Variants in ZNF622 observed in about 807,000 individuals in gnomAD.
The protein encoded by ZNF622 is zinc finger protein 622, also known as cytoplasmic 60S subunit biogenesis factor ZNF622.
Under a neutral mutation model 49.7 loss-of-function variants are expected in ZNF622, and 34 were observed. The ratio of observed to expected loss-of-function variants is 0.68; its 90% CI spans 0.52 to 0.91. ZNF622 has a LOEUF of 0.91. Among genes scored for constraint, ZNF622 ranks in the 40% least tolerant of loss-of-function variants. The pLI is 0.00. For synonymous variants in ZNF622, 209 were observed against 228.7 expected (o/e 0.91, Z 0.78); for missense variants, 569 against 616.4 (o/e 0.92, Z 0.81).
Position 16,465,032 on chromosome 5 carries a change from G to A in ZNF622, c.625+9C>T, listed in dbSNP as rs750734053. 1.2e-5 allele frequency: 19 copies of A among 1,566,768 alleles called. No individual in the cohort carries two copies. In the South Asian group the frequency reaches 2.2e-4, roughly 18 times the overall value. The stretch of plus-strand genomic sequence containing the variant: ...CTCTTTACCCTCCCCGCCCAGACAG[G>A]GCCATCACCGTCTCCATCCAGGTCC... On this transcript the variant is annotated intron_variant, in intron 1 of 5. Coordinates refer to ENST00000308683, the MANE Select transcript of ZNF622 (RefSeq NM_033414.3). This position sits in a 1 kb window ranked among gnomAD's most constrained non-coding sequence, Gnocchi z 6.2.
At position 16,463,767 on chromosome 5, in the gene ZNF622, A is replaced by G. The variant is rs1484336294; in HGVS notation, c.626-25T>C. ...TCTGCAAGCCAGAATTTTGAAATAT[A>G]AAGTTTAAGAAAAGTAGTAGCAAGC... On this transcript the variant is annotated intron_variant, in intron 1 of 5. Coordinates refer to ENST00000308683, the MANE Select transcript of ZNF622 (RefSeq NM_033414.3). The surrounding 1 kb of genome is among the most constrained non-coding windows in gnomAD (Gnocchi z 4.2). 1.2e-6 allele frequency: 2 copies of G among 1,605,300 alleles called. No homozygotes were observed. The highest frequency in any genetic ancestry group is 1.7e-6 in the Non-Finnish European group (2 of 1,174,730).
Position 16,464,993 on chromosome 5 carries a change from G to C in ZNF622, c.625+48C>G, listed in dbSNP as rs537126989. On this transcript the variant is annotated intron_variant, in intron 1 of 5. Transcript: ENST00000308683. ...TCGAGTATAAATCTGGAAACTTAAG[G>C]GTGGGCCAAGTTCCTCTTTACCCTC... 24 of 1,524,754 alleles carry C rather than the reference G, an allele frequency of 1.6e-5. No homozygotes were observed. In the East Asian group the frequency reaches 4.1e-4, roughly 26 times the overall value. 94.5% of individuals were successfully genotyped at this position (1,524,754 alleles called of 1,614,324 possible). A position where few individuals can be genotyped will look rare whatever the true frequency, so the allele number is the denominator to read the frequency against.
At chr5:16,461,912 G>A (rs1407410360) in intron 3 of ZNF622, among the ~76,000 whole-genome samples, 1 of 152,192 alleles carries the variant, frequency 6.6e-6, no homozygotes, top group Non-Finnish European at 1.5e-5. Context: ...ACTGAGTGCT[G>A]GGCATTCCAA....
chr5:16,454,690 C>T (rs936042082), intron 4 of ZNF622, among the ~76,000 whole-genome samples: 1 of 152,038 alleles, frequency 6.6e-6, no homozygotes, highest in African/African-American at 2.4e-5. Context: ...TCTGGCCAAC[C>T]GCCTGTTTTG....
chr5:16,457,373 C>T (rs1738043351), intron 4 of ZNF622, among the ~76,000 whole-genome samples: 1 of 152,152 alleles, frequency 6.6e-6, no homozygotes, highest in African/African-American at 2.4e-5. Context: ...AAACATATTT[C>T]TGATGTTCTA....
chr5:16,463,287 AG>A lies in ZNF622; in HGVS notation c.887-18del. 1.3e-6 allele frequency: 2 copies of A among 1,581,280 alleles called. No homozygotes were observed. The highest frequency in any genetic ancestry group is 8.5e-7 in the Non-Finnish European group (1 of 1,169,614). ...CTTTCTCTCCTAGAAAAATAATTTA[AG>A]GAAAAAATATGAAAAAAGCTTTTTG... On this transcript the variant is annotated intron_variant, in intron 2 of 5. Transcript: ENST00000308683. The surrounding 1 kb of genome is among the most constrained non-coding windows in gnomAD (Gnocchi z 4.2).
At chr5:16,460,325 C>T (rs765879214) in intron 3 of ZNF622, among the ~76,000 whole-genome samples, 1 of 152,152 alleles carries the variant, frequency 6.6e-6, no homozygotes, top group Non-Finnish European at 1.5e-5. Flanking sequence ...CAGCTGTATA[C>T]ATATATGCAC....
chr5:16,455,180 C>T (rs1738007310), intron 4 of ZNF622, among the ~76,000 whole-genome samples: 1 of 152,114 alleles, frequency 6.6e-6, no homozygotes, highest in East Asian at 1.9e-4. Flanking sequence ...ACCCTGTGTA[C>T]GGTTTCCAGG....
chr5:16,453,289 T>C (rs1381562364), intron 4 of ZNF622, 133 bp from the exon 5 acceptor site: 2 of 901,784 alleles, frequency 2.2e-6, no homozygotes, highest in East Asian at 3.0e-5. Context: ...GAAGAAACAG[T>C]TGTTCTATCT....
At position 16,451,920 on chromosome 5, in the gene ZNF622, TGG is replaced by T; in HGVS notation, c.1307-138_1307-137del. On this transcript the variant is annotated intron_variant, in intron 5 of 5. Coordinates refer to ENST00000308683, the MANE Select transcript of ZNF622 (RefSeq NM_033414.3). ...TGTATTTAAAACAGAGTTGCTAACT[TGG>T]GGTCTCTAAGCCATGCGCCTCAGGG... 4 of 1,123,810 alleles carry T rather than the reference TGG, an allele frequency of 3.6e-6. No individual in the cohort carries two copies. The South Asian group carries it at 4.7e-5, about 13-fold the overall frequency. 69.6% of individuals were successfully genotyped at this position (1,123,810 alleles called of 1,614,324 possible). A position where few individuals can be genotyped will look rare whatever the true frequency, so the allele number is the denominator to read the frequency against.
Position 16,463,117 on chromosome 5 carries a change from T to G in ZNF622, c.1040A>C (p.Tyr347Ser). 2.5e-6 allele frequency: 4 copies of G among 1,603,150 alleles called. No homozygotes were observed. The highest frequency in any genetic ancestry group is 3.4e-6 in the Non-Finnish European group (4 of 1,177,560). Reference protein sequence around the residue: ...GDAALEFADFYDFRSSYPDHK... With the variant: ...GDAALEFADFSDFRSSYPDHK... ...TACAAACTATGCTTACCTAAAATCA[T>G]AGAAGTCTGCAAATTCCAAAGCAGC... The change falls in exon 3 of 6, where the codon TAT becomes TCT. Residue 347 changes from tyrosine to serine, a missense_variant. Physicochemically the swap from Tyr to Ser is moderately radical, Grantham distance 144. Transcript: ENST00000308683. This position sits in a 1 kb window ranked among gnomAD's most constrained non-coding sequence, Gnocchi z 4.2.
intron 5 of ZNF622, among the ~76,000 whole-genome samples, chr5:16,452,004 G>T (rs1737942720): frequency 6.6e-6 from 1 of 152,020 alleles, no homozygotes; most frequent in African/African-American, 2.4e-5. Context: ...CACTTATCTG[G>T]GATTAGTAGC....
chr5:16,463,029 T>C lies in ZNF622; in HGVS notation c.1049+79A>G, dbSNP rs1738145806. 2 of 1,467,338 alleles carry C rather than the reference T, an allele frequency of 1.4e-6. No homozygotes were observed. Among genetic ancestry groups the C allele is most frequent in the Admixed American group, 2.2e-5 (1 of 45,656 alleles). The allele number at this position is 1,467,338 out of a possible 1,614,324, so 90.9% of individuals were successfully genotyped here. A position where few individuals can be genotyped will look rare whatever the true frequency, so the allele number is the denominator to read the frequency against. On this transcript the variant is annotated intron_variant, in intron 3 of 5. Transcript: ENST00000308683. This position sits in a 1 kb window ranked among gnomAD's most constrained non-coding sequence, Gnocchi z 4.2. ...AGGATATGTTGTACAGTGCCAAACA[T>C]ATCCAGCACTGGCACACCTAATAAT...
At chr5:16,454,955 G>A (rs115118320) in intron 4 of ZNF622, among the ~76,000 whole-genome samples, 2 of 152,294 alleles carry the variant, frequency 1.3e-5, no homozygotes, top group East Asian at 3.9e-4. Flanking sequence ...GCTCTCCAAA[G>A]GTGGTCATCA....
At position 16,463,962 on chromosome 5, in the gene ZNF622, A is replaced by G. The variant is rs1311873368; in HGVS notation, c.626-220T>C. Reference sequence around the variant, plus strand: ...CCTTAGTCTTTCTTTTCCAGGAAACAGGAATCTTTTCTTTGTTTCTTTCCT... The same window carrying G: ...CCTTAGTCTTTCTTTTCCAGGAAACGGGAATCTTTTCTTTGTTTCTTTCCT... On this transcript the variant is annotated intron_variant, in intron 1 of 5. Transcript: ENST00000308683. The surrounding 1 kb of genome is among the most constrained non-coding windows in gnomAD (Gnocchi z 4.2). Among the ~76,000 whole-genome samples the G allele has an allele frequency of 1.3e-5, 2 of 152,214 alleles. No homozygotes were observed. The highest frequency in any genetic ancestry group is 2.9e-5 in the Non-Finnish European group (2 of 68,042).
chr5:16,464,569 TA>T (rs1738181934), intron 1 of ZNF622, among the ~76,000 whole-genome samples: 1 of 152,186 alleles, frequency 6.6e-6, no homozygotes. Context: ...AAATAGCTCA[TA>T]AAGGCAAAGA....
rs752799836 is a variant in ZNF622 at position 16,465,154 on chromosome 5, C to G, written c.512G>C (p.Arg171Pro). Residue 171 changes from arginine to proline, a missense_variant, in exon 1 of 6, where the codon CGA (arginine) becomes CCA (proline). Transcript: ENST00000308683. The surrounding 1 kb of genome is among the most constrained non-coding windows in gnomAD (Gnocchi z 6.2). ...VGTGGRGTHD[R>P]DPSEKPPRLQ... ...CCGGGGTGGTTTCTCACTCGGGTCT[C>G]GGTCGTGGGTCCCACGGCCACCAGT... The G allele has an allele frequency of 3.7e-6, 6 of 1,614,084 alleles. No homozygotes were observed. The highest frequency in any genetic ancestry group is 4.2e-6 in the Non-Finnish European group (5 of 1,180,028).
At chr5:16,460,411 G>A (rs1738104657) in intron 3 of ZNF622, among the ~76,000 whole-genome samples, 1 of 152,146 alleles carries the variant, frequency 6.6e-6, no homozygotes, top group African/African-American at 2.4e-5. Flanking sequence ...GAAGGGGAGT[G>A]AAATTTAGGT....
intron 3 of ZNF622, among the ~76,000 whole-genome samples, chr5:16,461,436 G>C (rs897317347): frequency 2.2e-4 from 33 of 152,196 alleles, no homozygotes; most frequent in African/African-American, 8.0e-4. Flanking sequence ...TGTAAATATG[G>C]AGACCAGGCA....
Sources: allele counts gnomAD v4.1 joint callset (sites outside exome capture counted in the v4.1 genomes callset), GRCh38; gene constraint gnomAD v4.1.1; non-coding constraint Gnocchi (gnomAD v3.1); transcripts MANE v1.5; gene names NCBI Gene and HGNC (gene_info 2026-07-23, HGNC 2026-07-21).